Variants in TIMP3 observed in about 807,000 individuals in gnomAD.
TIMP3 encodes the protein TIMP metallopeptidase inhibitor 3.
In TIMP3, 11 loss-of-function variants were observed where a neutral mutation model predicts 30.0. The observed-to-expected ratio is 0.37, with a 90% CI of 0.23 to 0.61. The LOEUF (loss-of-function observed/expected upper bound fraction) is 0.61, where lower values mean the gene tolerates loss of function less well. Ranked by LOEUF, TIMP3 falls within the 20% of genes least tolerant of loss-of-function variation. The probability of loss-of-function intolerance (pLI) is 0.70; values close to 1 mark genes in which losing one functional copy is unlikely to be tolerated. For synonymous variants in TIMP3, 112 were observed against 111.3 expected (o/e 1.01, Z -0.04); for missense variants, 181 against 276.8 (o/e 0.65, Z 2.45).
intron 1 of TIMP3, among the ~76,000 whole-genome samples, chr22:32,830,779 G>A (rs915748137): frequency 8.5e-5 from 13 of 152,186 alleles, no homozygotes; most frequent in Non-Finnish European, 1.5e-4. Flanking sequence ...GAGTGTATCC[G>A]CCTCACGCTT....
intron 2 of TIMP3, among the ~76,000 whole-genome samples, chr22:32,851,582 T>C (rs550484918): frequency 4.6e-5 from 7 of 152,250 alleles, no homozygotes; most frequent in Admixed American, 2.6e-4. Context: ...TCATGAATCA[T>C]GGTGCTGGGA....
At chr22:32,831,184 T>C (rs142351432) in intron 1 of TIMP3, among the ~76,000 whole-genome samples, 1,807 of 152,262 alleles carry the variant, frequency 0.012, 36 homozygotes, top group African/African-American at 0.041. Flanking sequence ...TGTGGGAGCC[T>C]GAGGCAGAAG....
intron 1 of TIMP3, among the ~76,000 whole-genome samples, chr22:32,806,878 T>A (rs1430206205): frequency 6.6e-6 from 1 of 152,120 alleles, no homozygotes; most frequent in Non-Finnish European, 1.5e-5. Context: ...CAAATCCTTT[T>A]CTTCCTATAC....
intron 1 of TIMP3, among the ~76,000 whole-genome samples, chr22:32,841,523 G>A (rs1569267795): frequency 1.3e-5 from 2 of 152,168 alleles, no homozygotes; most frequent in African/African-American, 2.4e-5. Flanking sequence ...TGAGAGCCCC[G>A]GGTGCAGGGA....
chr22:32,829,213 TGCG>T (rs1320688275), intron 1 of TIMP3, among the ~76,000 whole-genome samples: 1 of 152,088 alleles, frequency 6.6e-6, no homozygotes, highest in Non-Finnish European at 1.5e-5. Context: ...ACCCATGAGG[TGCG>T]TTGAACATTA....
intron 1 of TIMP3, among the ~76,000 whole-genome samples, chr22:32,833,476 T>C (rs529269193): frequency 2.0e-5 from 3 of 152,314 alleles, no homozygotes; most frequent in Admixed American, 6.5e-5. Context: ...AGGTCAGAGA[T>C]GGTTGCACAC....
intron 1 of TIMP3, among the ~76,000 whole-genome samples, chr22:32,818,928 C>A (rs953803789): frequency 2.6e-4 from 39 of 152,204 alleles, no homozygotes; most frequent in African/African-American, 9.4e-4. Context: ...GGTCACTTGG[C>A]CCCTGCAGCT....
chr22:32,807,387 T>A (rs370522755), intron 1 of TIMP3, among the ~76,000 whole-genome samples: 6 of 98,812 alleles, frequency 6.1e-5, no homozygotes, highest in Non-Finnish European at 1.2e-4. Flanking sequence ...TAATATATAT[T>A]ATATATAATA....
intron 1 of TIMP3, among the ~76,000 whole-genome samples, chr22:32,830,399 C>G (rs781407689): frequency 6.6e-6 from 1 of 151,964 alleles, no homozygotes; most frequent in Non-Finnish European, 1.5e-5. Context: ...ATGCTTTGCC[C>G]GACAGTCTAT....
intron 1 of TIMP3, among the ~76,000 whole-genome samples, chr22:32,823,862 C>T (rs1388707776): frequency 1.3e-5 from 2 of 152,152 alleles, no homozygotes; most frequent in Non-Finnish European, 2.9e-5. Flanking sequence ...GGTACATCCC[C>T]ACAGTGCCCT....
chr22:32,814,936 G>A (rs1569245961), intron 1 of TIMP3, among the ~76,000 whole-genome samples: 3 of 152,028 alleles, frequency 2.0e-5, no homozygotes, highest in East Asian at 1.9e-4. Context: ...AACCCAATAT[G>A]TATAAAATAT....
At chr22:32,817,840 T>C (rs538213142) in intron 1 of TIMP3, among the ~76,000 whole-genome samples, 1 of 152,322 alleles carries the variant, frequency 6.6e-6, no homozygotes, top group African/African-American at 2.4e-5. Context: ...GAGCAGGTAA[T>C]GAACAGTAGG....
At position 32,825,551 on chromosome 22, in the gene TIMP3, C is replaced by T. The variant is rs565807977; in HGVS notation, c.121+23429C>T. On this transcript the variant is annotated intron_variant, in intron 1 of 4. Transcript: ENST00000266085. ...GCGGGCGCCTGTAATCCCAGCTACTCGGGAAGCTGAGGCAGAGAATCACTT... is the reference window on the plus strand; with the variant it reads ...GCGGGCGCCTGTAATCCCAGCTACTTGGGAAGCTGAGGCAGAGAATCACTT... Among the ~76,000 whole-genome samples, 19 of 150,552 alleles carry T rather than the reference C, an allele frequency of 1.3e-4. No homozygotes were observed. In the South Asian group the frequency reaches 2.1e-3, roughly 17 times the overall value.
At chr22:32,828,623 G>A (rs1052375745) in intron 1 of TIMP3, among the ~76,000 whole-genome samples, 1 of 152,236 alleles carries the variant, frequency 6.6e-6, no homozygotes, top group Admixed American at 6.5e-5. Flanking sequence ...CCCAGGGACA[G>A]GAAGTGACCT....
Position 32,859,356 on chromosome 22 carries a change from C to T in TIMP3, c.615C>T (p.Ile205=), listed in dbSNP as rs749317282. Reference sequence around the variant, plus strand: ...GATGGGCCCCCCCGGATAAAAGCATCATCAATGCCACAGACCCCTGAGCGC... The same window carrying T: ...GATGGGCCCCCCCGGATAAAAGCATTATCAATGCCACAGACCCCTGAGCGC... ...YRGWAPPDKS[I]INATDP Residue 205 remains isoleucine (I), a synonymous_variant, in exon 5 of 5, where the codon ATC becomes ATT. Coordinates refer to ENST00000266085, the MANE Select transcript of TIMP3 (RefSeq NM_000362.5). 31 of 1,611,974 alleles carry T rather than the reference C, an allele frequency of 1.9e-5. No homozygotes were observed. Among genetic ancestry groups the T allele is most frequent in the Non-Finnish European group, 2.5e-5 (30 of 1,180,000 alleles).
rs922362047 is a variant in TIMP3, at chr22:32,801,854, GC to G, written c.-147del. On this transcript the variant is annotated 5_prime_UTR_variant, in exon 1 of 5. Coordinates refer to ENST00000266085, the MANE Select transcript of TIMP3 (RefSeq NM_000362.5). This position sits in a 1 kb window ranked among gnomAD's most constrained non-coding sequence, Gnocchi z 4.7. ...GCTGCGCCCCATCCCGTCCCGCCGG[GC>G]ACTCGGAGGGCAGCGCGCCGGAGGC... The G allele has an allele frequency of 6.3e-5, 65 of 1,031,846 alleles. No individual in the cohort carries two copies. The African/African-American group carries it at 1.0e-3, about 16-fold the overall frequency. 63.9% of individuals were successfully genotyped at this position (1,031,846 alleles called of 1,614,324 possible).
rs369072080 is a variant in TIMP3, at chr22:32,859,260, T to C, written c.519T>C (p.Gly173=). ...GGACCGACATGCTCTCCAATTTCGGTTACCCTGGCTACCAGTCCAAACACT... is the reference window on the plus strand; with the variant it reads ...GGACCGACATGCTCTCCAATTTCGGCTACCCTGGCTACCAGTCCAAACACT... The part of the protein sequence containing the change: ...CLWTDMLSNF[G]YPGYQSKHYA... Residue 173 remains glycine (G), a synonymous_variant, in exon 5 of 5, where the codon GGT becomes GGC. Coordinates refer to ENST00000266085, the MANE Select transcript of TIMP3 (RefSeq NM_000362.5). The C allele has an allele frequency of 5.2e-5, 84 of 1,614,044 alleles. 1 individual carries two copies. The African/African-American group carries it at 1.0e-3, about 20-fold the overall frequency.
At chr22:32,841,870 G>A (rs1025289233) in intron 1 of TIMP3, among the ~76,000 whole-genome samples, 1 of 152,054 alleles carries the variant, frequency 6.6e-6, no homozygotes, top group African/African-American at 2.4e-5. Context: ...TAAAAAAAAA[G>A]TTCATGAGAG....
chr22:32,817,973 T>G (rs998735768), intron 1 of TIMP3, among the ~76,000 whole-genome samples: 2 of 152,212 alleles, frequency 1.3e-5, no homozygotes, highest in African/African-American at 4.8e-5. Context: ...GGAGCACCTT[T>G]GGGATTCTGA....
Sources: gnomAD v4.1 joint callset for allele counts (sites outside exome capture counted in the v4.1 genomes callset) on GRCh38, gnomAD v4.1.1 for gene constraint, Gnocchi (gnomAD v3.1) non-coding constraint, MANE v1.5 for transcripts, NCBI Gene and HGNC (gene_info 2026-07-23, HGNC 2026-07-21) for gene names.